Variants in ENOX1 observed in about 807,000 individuals in gnomAD.
ENOX1 encodes candidate growth-related and time keeping constitutive hydroquinone (NADH) oxidase.
In ENOX1, 42 loss-of-function variants were observed where a neutral mutation model predicts 82.5. The ratio of observed to expected loss-of-function variants is 0.51; its 90% CI spans 0.40 to 0.66. The LOEUF is 0.66. Ranked by LOEUF, ENOX1 falls within the 30% of genes least tolerant of loss-of-function variation. The pLI is 0.00. For missense variants in ENOX1, 608 were observed against 811.6 expected, an observed-to-expected ratio of 0.75 and a Z score of 3.05; for synonymous variants, 271 against 282.2, an observed-to-expected ratio of 0.96 and a Z score of 0.40.
intron 1 of ENOX1, among the ~76,000 whole-genome samples, chr13:43,707,646 T>C (rs1484736696): frequency 7.2e-6 from 1 of 138,588 alleles, no homozygotes; most frequent in Non-Finnish European, 1.5e-5. Context: ...GGCAGGAGAA[T>C]GGCGTGAACC....
intron 2 of ENOX1, among the ~76,000 whole-genome samples, chr13:43,555,120 A>AC (rs1400236224): frequency 6.6e-6 from 1 of 151,788 alleles, no homozygotes; most frequent in East Asian, 1.9e-4. Context: ...AATTATAAAA[A>AC]AAATTGGGAA....
At chr13:43,430,074 G>A (rs1311684664) in intron 3 of ENOX1, among the ~76,000 whole-genome samples, 1 of 152,206 alleles carries the variant, frequency 6.6e-6, no homozygotes, top group Non-Finnish European at 1.5e-5. Context: ...TCAACATGGA[G>A]CCTACCCAAA....
At chr13:43,767,362 T>C (rs905535859) in intron 1 of ENOX1, among the ~76,000 whole-genome samples, 1 of 152,204 alleles carries the variant, frequency 6.6e-6, no homozygotes, top group Non-Finnish European at 1.5e-5. Context: ...TGTTTCTGTG[T>C]TGTTTTTAAC....
At chr13:43,589,410 A>C (rs1157599208) in intron 2 of ENOX1, among the ~76,000 whole-genome samples, 1 of 152,104 alleles carries the variant, frequency 6.6e-6, no homozygotes, top group Non-Finnish European at 1.5e-5. Flanking sequence ...AAATATAGCA[A>C]GAAAATAATT....
intron 2 of ENOX1, among the ~76,000 whole-genome samples, chr13:43,537,923 C>G (rs2078535937): frequency 6.6e-6 from 1 of 152,220 alleles, no homozygotes; most frequent in Non-Finnish European, 1.5e-5. Context: ...TCAAACATAC[C>G]TGGAGGCAGA....
chr13:43,635,571 A>T (rs984588006), intron 2 of ENOX1, among the ~76,000 whole-genome samples: 8 of 152,210 alleles, frequency 5.3e-5, no homozygotes, highest in Non-Finnish European at 1.2e-4. Context: ...GTAAAAATAC[A>T]TGTTCAGCTC....
At chr13:43,598,983 T>A (rs183838538) in intron 2 of ENOX1, among the ~76,000 whole-genome samples, 358 of 152,246 alleles carry the variant, frequency 2.4e-3, no homozygotes, top group African/African-American at 8.5e-3. Flanking sequence ...CTTAATTCAA[T>A]TGAAGTGGGA....
At chr13:43,584,518 A>G (rs2080890269) in intron 2 of ENOX1, among the ~76,000 whole-genome samples, 1 of 152,248 alleles carries the variant, frequency 6.6e-6, no homozygotes, top group African/African-American at 2.4e-5. Context: ...AGCAGAGACT[A>G]TGGGATCTAA....
intron 1 of ENOX1, among the ~76,000 whole-genome samples, chr13:43,744,435 C>T (rs1257326798): frequency 2.6e-5 from 4 of 152,078 alleles, no homozygotes; most frequent in Non-Finnish European, 5.9e-5. Context: ...GATACCATGC[C>T]AAGGATCTCC....
chr13:43,490,268 C>T (rs544984240), intron 2 of ENOX1, among the ~76,000 whole-genome samples: 41 of 152,220 alleles, frequency 2.7e-4, no homozygotes, highest in African/African-American at 9.4e-4. Flanking sequence ...ATTTTAGAAG[C>T]GCATAACTTG....
At chr13:43,489,161 T>C (rs2076534411) in intron 2 of ENOX1, among the ~76,000 whole-genome samples, 1 of 152,048 alleles carries the variant, frequency 6.6e-6, no homozygotes, top group South Asian at 2.1e-4. Flanking sequence ...ATTTTGAAGA[T>C]CTTTGAGGCT....
At chr13:43,586,144 C>T (rs9285152) in intron 2 of ENOX1, among the ~76,000 whole-genome samples, 142,891 of 152,254 alleles carry the variant, frequency 0.94, 67,643 homozygotes, top group South Asian at 1. Context: ...TACTGTTCTC[C>T]CTACGTCTGC....
At chr13:43,547,541 G>T (rs1476824074) in intron 2 of ENOX1, 1 of 152,226 alleles carries the variant, frequency 6.6e-6, no homozygotes, top group Non-Finnish European at 1.5e-5. Flanking sequence ...AGATCTGAAA[G>T]TGAACTTTCT....
chr13:43,664,672 T>C (rs544780649), intron 2 of ENOX1, among the ~76,000 whole-genome samples: 1 of 152,334 alleles, frequency 6.6e-6, no homozygotes, highest in South Asian at 2.1e-4. Flanking sequence ...TGAAAAGTTA[T>C]GGGAGACCTC....
At chr13:43,682,411 C>T (rs1376970757) in intron 1 of ENOX1, among the ~76,000 whole-genome samples, 1 of 152,132 alleles carries the variant, frequency 6.6e-6, no homozygotes, top group African/African-American at 2.4e-5. Flanking sequence ...GCTAGACCTG[C>T]AGAAGGCCAC....
intron 11 of ENOX1, among the ~76,000 whole-genome samples, chr13:43,304,495 C>T (rs1278061730): frequency 6.6e-6 from 1 of 152,102 alleles, no homozygotes; most frequent in East Asian, 1.9e-4. Context: ...AAACCAGGGA[C>T]CCTACTGTAG....
chr13:43,321,533 T>C (rs1190150716), intron 11 of ENOX1, among the ~76,000 whole-genome samples: 1 of 152,228 alleles, frequency 6.6e-6, no homozygotes, highest in Non-Finnish European at 1.5e-5. Context: ...TCTTAATAAA[T>C]TAGTAAAGAT....
intron 11 of ENOX1, among the ~76,000 whole-genome samples, chr13:43,313,360 T>C (rs2047314428): frequency 6.6e-6 from 1 of 152,148 alleles, no homozygotes; most frequent in Non-Finnish European, 1.5e-5. Context: ...AATGTGGAAA[T>C]TCCCTAATTT....
intron 14 of ENOX1, among the ~76,000 whole-genome samples, chr13:43,247,861 A>T (rs867409673): frequency 0.011 from 20 of 1,762 alleles, no homozygotes; most frequent in Non-Finnish European, 0.012. Context: ...ATATATATAT[A>T]TATATATATA....
Sources: allele counts gnomAD v4.1 joint callset (sites outside exome capture counted in the v4.1 genomes callset), GRCh38; gene constraint gnomAD v4.1.1; transcripts MANE v1.5; gene names NCBI Gene and HGNC (gene_info 2026-07-23, HGNC 2026-07-21).